BBX: variants seen among roughly 807,000 people sequenced by gnomAD.
BBX encodes the protein HMG box transcription factor BBX.
In BBX, 30 loss-of-function variants were observed where a neutral mutation model predicts 100.2. The observed-to-expected ratio is 0.30, with a 90% CI of 0.22 to 0.41. BBX has a LOEUF of 0.41. BBX is among the 10% of genes least tolerant of loss of function. The pLI, the probability that BBX is intolerant of heterozygous loss-of-function variation, is 1.00. For missense variants in BBX, 1,023 were observed against 1,129.8 expected (o/e 0.91, Z 1.35); for synonymous variants, 376 against 388.1 (o/e 0.97, Z 0.37).
chr3:107,569,064 A>T (rs1301077634), intron 2 of BBX, among the ~76,000 whole-genome samples: 1 of 152,196 alleles, frequency 6.6e-6, no homozygotes, highest in Non-Finnish European at 1.5e-5. Context: ...TGTTGTAGGG[A>T]TGAAATCCCA....
At chr3:107,725,187 A>G (rs2107471121) in intron 5 of BBX, among the ~76,000 whole-genome samples, 1 of 152,136 alleles carries the variant, frequency 6.6e-6, no homozygotes, top group South Asian at 2.1e-4. Context: ...AGGGGAGTTC[A>G]CTCATGATTT....
chr3:107,544,854 A>G (rs1487807585), intron 2 of BBX, among the ~76,000 whole-genome samples: 5 of 151,010 alleles, frequency 3.3e-5, no homozygotes, highest in Admixed American at 6.6e-5. Flanking sequence ...AAAAAAAAAA[A>G]AAAAAGAAAA....
At chr3:107,571,375 A>T (rs1648892) in intron 2 of BBX, among the ~76,000 whole-genome samples, 4 of 152,080 alleles carry the variant, frequency 2.6e-5, no homozygotes. Context: ...GTGGTTAAAC[A>T]CCAAGGGAAG....
intron 2 of BBX, among the ~76,000 whole-genome samples, chr3:107,614,967 T>G (rs1209674177): frequency 6.6e-6 from 1 of 152,152 alleles, no homozygotes; most frequent in African/African-American, 2.4e-5. Flanking sequence ...TTTGTGGGAT[T>G]TTGTGTGCTT....
intron 2 of BBX, among the ~76,000 whole-genome samples, chr3:107,566,515 T>C (rs1043025418): frequency 1.3e-5 from 2 of 151,794 alleles, no homozygotes; most frequent in Non-Finnish European, 2.9e-5. Flanking sequence ...AATTATTTAT[T>C]TGAACTTCTA....
chr3:107,575,595 G>A (rs937952416), intron 2 of BBX, among the ~76,000 whole-genome samples: 1 of 152,106 alleles, frequency 6.6e-6, no homozygotes, highest in Non-Finnish European at 1.5e-5. Context: ...TAGTTAGATA[G>A]CATTTTATCT....
At chr3:107,542,939 T>TC (rs2048966219) in intron 2 of BBX, among the ~76,000 whole-genome samples, 1 of 149,040 alleles carries the variant, frequency 6.7e-6, no homozygotes, top group Admixed American at 6.7e-5. Flanking sequence ...AAGAGCTTTT[T>TC]CTCTATTTGT....
intron 2 of BBX, among the ~76,000 whole-genome samples, chr3:107,566,876 A>G (rs973674365): frequency 1.3e-5 from 2 of 151,808 alleles, no homozygotes; most frequent in African/African-American, 4.8e-5. Context: ...GAAATAATTC[A>G]TTTATTTTTA....
chr3:107,762,421 C>A (rs1017026640), intron 10 of BBX, among the ~76,000 whole-genome samples: 1 of 152,234 alleles, frequency 6.6e-6, no homozygotes, highest in Non-Finnish European at 1.5e-5. Context: ...CCAGTTATCT[C>A]TTATGATAAA....
At chr3:107,803,500 A>T (rs1328018583) in intron 17 of BBX, among the ~76,000 whole-genome samples, 1 of 152,188 alleles carries the variant, frequency 6.6e-6, no homozygotes, top group African/African-American at 2.4e-5. Flanking sequence ...TACGACCTGC[A>T]CTCATGCCAT....
chr3:107,531,931 A>G (rs1012523009), intron 2 of BBX, among the ~76,000 whole-genome samples: 15 of 152,128 alleles, frequency 9.9e-5, no homozygotes. Flanking sequence ...GTCAAGACAC[A>G]TGTGTAATCC....
intron 7 of BBX, among the ~76,000 whole-genome samples, chr3:107,738,950 C>G (rs1206116012): frequency 6.6e-6 from 1 of 152,084 alleles, no homozygotes; most frequent in Non-Finnish European, 1.5e-5. Flanking sequence ...ATTCATAATA[C>G]TAGAATTACA....
chr3:107,680,885 T>C (rs140333978), intron 3 of BBX, among the ~76,000 whole-genome samples: 1 of 152,072 alleles, frequency 6.6e-6, no homozygotes, highest in Non-Finnish European at 1.5e-5. Flanking sequence ...TAGAAATGAC[T>C]CATCAGCTTT....
chr3:107,771,579 T>C (rs1039800233), intron 10 of BBX, among the ~76,000 whole-genome samples: 1 of 152,184 alleles, frequency 6.6e-6, no homozygotes, highest in Non-Finnish European at 1.5e-5. Flanking sequence ...GTATGAATGG[T>C]CACAGTAAGT....
intron 3 of BBX, among the ~76,000 whole-genome samples, chr3:107,705,678 G>A (rs934322408): frequency 3.3e-5 from 5 of 152,304 alleles, no homozygotes; most frequent in East Asian, 3.9e-4. Context: ...TTAATCCCAT[G>A]CTTCCCAGTC....
At chr3:107,687,394 T>C (rs2059909992) in intron 3 of BBX, among the ~76,000 whole-genome samples, 1 of 151,900 alleles carries the variant, frequency 6.6e-6, no homozygotes, top group East Asian at 1.9e-4. Context: ...TGATATATTG[T>C]GTCTTTATTT....
At chr3:107,745,077 A>G (rs2064460113) in intron 8 of BBX, among the ~76,000 whole-genome samples, 1 of 152,180 alleles carries the variant, frequency 6.6e-6, no homozygotes. Context: ...TTGGCTATGC[A>G]GCTAATCTAT....
intron 13 of BBX, among the ~76,000 whole-genome samples, chr3:107,782,119 G>A (rs1038806156): frequency 9.2e-5 from 14 of 152,096 alleles, no homozygotes; most frequent in African/African-American, 3.4e-4. Flanking sequence ...CAGCACCTTT[G>A]CAGGTATAAA....
chr3:107,651,459 T>C (rs1444368482), intron 3 of BBX, among the ~76,000 whole-genome samples: 2 of 152,144 alleles, frequency 1.3e-5, no homozygotes, highest in Non-Finnish European at 2.9e-5. Context: ...ATTATAAAAA[T>C]TGACTTCCAT....
Sources: allele counts gnomAD v4.1 joint callset (sites outside exome capture counted in the v4.1 genomes callset), GRCh38; gene constraint gnomAD v4.1.1; transcripts MANE v1.5; gene names NCBI Gene and HGNC (gene_info 2026-07-23, HGNC 2026-07-21).